SEC63: variants seen among roughly 807,000 people sequenced by gnomAD.
SEC63 encodes SEC63 protein translocation regulator, also known as translocation protein SEC63 homolog.
Under a neutral mutation model 116.2 loss-of-function variants are expected in SEC63, and 56 were observed. That is an observed-to-expected ratio of 0.48 (90% CI 0.39 to 0.60). SEC63 has a LOEUF of 0.60. Among genes scored for constraint, SEC63 ranks in the 20% least tolerant of loss-of-function variants. The pLI is 0.00. For missense variants in SEC63, 668 were observed against 900.0 expected, an observed-to-expected ratio of 0.74 and a Z score of 3.30; for synonymous variants, 273 against 294.6, an observed-to-expected ratio of 0.93 and a Z score of 0.75.
intron 19 of SEC63, among the ~76,000 whole-genome samples, chr6:107,874,528 G>A (rs1239294603): frequency 8.7e-5 from 13 of 149,752 alleles, no homozygotes; most frequent in East Asian, 5.9e-4. Flanking sequence ...CCCGGGAGGC[G>A]GAGCTTGCAG....
chr6:107,919,013 T>C (rs1272854892), intron 4 of SEC63, among the ~76,000 whole-genome samples: 1 of 148,120 alleles, frequency 6.8e-6, no homozygotes, highest in Non-Finnish European at 1.5e-5. Context: ...CAGGTTCAAG[T>C]GAGTCTCCTG....
intron 1 of SEC63, among the ~76,000 whole-genome samples, chr6:107,943,571 G>A (rs957599200): frequency 1.3e-5 from 2 of 152,188 alleles, no homozygotes; most frequent in Non-Finnish European, 2.9e-5. Context: ...TTGTTGAAGG[G>A]TTCTTTTGAG....
At chr6:107,924,431 A>G (rs2114480399) in intron 3 of SEC63, among the ~76,000 whole-genome samples, 1 of 151,084 alleles carries the variant, frequency 6.6e-6, no homozygotes, top group Non-Finnish European at 1.5e-5. Context: ...ACAAAAAATT[A>G]GACAGGCGTG....
intron 18 of SEC63, among the ~76,000 whole-genome samples, chr6:107,880,381 T>G (rs1022872473): frequency 5.9e-5 from 9 of 152,222 alleles, no homozygotes; most frequent in African/African-American, 2.2e-4. Context: ...GTGGAACAGT[T>G]TCCCGAACTG....
At chr6:107,946,865 G>A (rs1297749950) in intron 1 of SEC63, among the ~76,000 whole-genome samples, 7 of 152,032 alleles carry the variant, frequency 4.6e-5, no homozygotes, top group African/African-American at 9.7e-5. Flanking sequence ...TTAGCCAGGC[G>A]TGGTGGTGGG....
intron 1 of SEC63, among the ~76,000 whole-genome samples, chr6:107,953,548 CCGCCCCG>C (rs1770625089): frequency 7.1e-6 from 1 of 140,962 alleles, no homozygotes; most frequent in Non-Finnish European, 1.5e-5. Context: ...GCCCGGCCAG[CCGCCCCG>C]TCCGGGAGGG....
At chr6:107,937,777 T>C (rs1459580834) in intron 1 of SEC63, among the ~76,000 whole-genome samples, 1 of 152,180 alleles carries the variant, frequency 6.6e-6, no homozygotes, top group Non-Finnish European at 1.5e-5. Context: ...TTGATTTGCA[T>C]TTATCTGATT....
intron 19 of SEC63, among the ~76,000 whole-genome samples, 197 bp downstream of exon 19, chr6:107,876,367 A>C (rs1786266153): frequency 6.6e-6 from 1 of 152,186 alleles, no homozygotes; most frequent in Admixed American, 6.5e-5. Flanking sequence ...ACATTGACTA[A>C]GTTGCCTACC....
chr6:107,881,170 C>T lies in SEC63; in HGVS notation c.1914G>A (p.Val638=). The change falls in exon 18 of 21, where the codon GTG becomes GTA. Residue 638 remains valine, a synonymous_variant. Coordinates refer to ENST00000369002, the MANE Select transcript of SEC63 (RefSeq NM_007214.5). ...LETKSKITHP[V]YSLYFPEEKQ... ...TCACCTCAGGAAAGTAAAGGCTATA[C>T]ACAGGATGTGTTATTTTTGATTTGG... is the stretch of plus-strand genomic sequence containing the variant. The T allele has an allele frequency of 1.2e-6, 2 of 1,610,968 alleles. No homozygotes were observed. The highest frequency in any genetic ancestry group is 1.7e-6 in the Non-Finnish European group (2 of 1,178,146).
chr6:107,918,757 C>T (rs112621867), intron 4 of SEC63, among the ~76,000 whole-genome samples: 1 of 151,254 alleles, frequency 6.6e-6, no homozygotes, highest in Non-Finnish European at 1.5e-5. Flanking sequence ...GCTACAGACA[C>T]AGTGATACCT....
intron 1 of SEC63, among the ~76,000 whole-genome samples, chr6:107,943,988 G>C (rs1049335953): frequency 6.6e-6 from 1 of 152,198 alleles, no homozygotes; most frequent in Non-Finnish European, 1.5e-5. Context: ...AAACAGACTA[G>C]TTAGGAAGCT....
chr6:107,943,344 T>C (rs900807904), intron 1 of SEC63, among the ~76,000 whole-genome samples: 14 of 152,220 alleles, frequency 9.2e-5, no homozygotes. Flanking sequence ...ACAATAGATA[T>C]GTGTTTCTTT....
intron 4 of SEC63, among the ~76,000 whole-genome samples, chr6:107,913,664 A>G (rs1263107530): frequency 6.6e-6 from 1 of 152,150 alleles, no homozygotes; most frequent in Non-Finnish European, 1.5e-5. Flanking sequence ...CATGGTTCTC[A>G]AGCTTAACCA....
intron 10 of SEC63, among the ~76,000 whole-genome samples, chr6:107,905,262 A>T (rs1220115784): frequency 1.3e-5 from 2 of 152,232 alleles, no homozygotes; most frequent in Non-Finnish European, 2.9e-5. Context: ...ATGTATCTGT[A>T]CAGAACATTA....
intron 3 of SEC63, among the ~76,000 whole-genome samples, chr6:107,923,589 G>A (rs191488329): frequency 6.6e-5 from 10 of 152,152 alleles, no homozygotes; most frequent in East Asian, 3.9e-4. Flanking sequence ...GCAATGGTGC[G>A]GATCATGGCT....
chr6:107,922,197 A>G (rs1423515151), intron 3 of SEC63, among the ~76,000 whole-genome samples: 2 of 152,228 alleles, frequency 1.3e-5, no homozygotes, highest in Non-Finnish European at 2.9e-5. Context: ...ACAAATTTAC[A>G]TAAAATAATA....
chr6:107,910,142 T>G (rs1787241902), intron 7 of SEC63, among the ~76,000 whole-genome samples: 1 of 152,138 alleles, frequency 6.6e-6, no homozygotes. Flanking sequence ...AGGGTGGTAG[T>G]GCGGGAAGAC....
intron 1 of SEC63, among the ~76,000 whole-genome samples, chr6:107,940,806 A>AT (rs1217259060): frequency 2.0e-5 from 3 of 151,164 alleles, no homozygotes; most frequent in Admixed American, 6.6e-5. Flanking sequence ...AAAAAAAAAA[A>AT]AGACTCGCTG....
At chr6:107,903,631 G>C (rs576381675) in intron 11 of SEC63, among the ~76,000 whole-genome samples, 23 of 152,276 alleles carry the variant, frequency 1.5e-4, no homozygotes, top group African/African-American at 5.1e-4. Context: ...CTTGAGCCCA[G>C]GAGTTTGAGG....
Sources: allele counts gnomAD v4.1 joint callset (sites outside exome capture counted in the v4.1 genomes callset), GRCh38; gene constraint gnomAD v4.1.1; transcripts MANE v1.5; gene names NCBI Gene and HGNC (gene_info 2026-07-23, HGNC 2026-07-21).